RBFOX1: variants seen among roughly 807,000 people sequenced by gnomAD.
RBFOX1 encodes the protein RNA binding protein fox-1 homolog 1.
In RBFOX1, 8 loss-of-function variants were observed where a neutral mutation model predicts 57.7. The observed-to-expected ratio is 0.14, with a 90% CI of 0.08 to 0.25. The LOEUF is 0.25. Among genes scored for constraint, RBFOX1 ranks in the 10% least tolerant of loss-of-function variants. RBFOX1 has a pLI of 1.00. For synonymous variants in RBFOX1, 326 were observed against 222.4 expected, an observed-to-expected ratio of 1.47 and a Z score of -4.15; for missense variants, 611 against 548.5, an observed-to-expected ratio of 1.11 and a Z score of -1.14.
intron 3 of RBFOX1, among the ~76,000 whole-genome samples, chr16:6,807,633 T>A (rs570791502): frequency 6.6e-6 from 1 of 151,964 alleles, no homozygotes; most frequent in East Asian, 1.9e-4. Context: ...CTGGCGAGCA[T>A]GGTGAAAGCC....
chr16:7,506,806 C>A (rs1005335877), intron 4 of RBFOX1, among the ~76,000 whole-genome samples: 1 of 152,142 alleles, frequency 6.6e-6, no homozygotes, highest in Non-Finnish European at 1.5e-5. Flanking sequence ...GGTATGTGAT[C>A]TGCCAAAGGT....
chr16:5,817,164 C>A (rs1008432118), intron 3 of RBFOX1, among the ~76,000 whole-genome samples: 3 of 152,160 alleles, frequency 2.0e-5, no homozygotes, highest in African/African-American at 7.2e-5. Flanking sequence ...CTTGTGCACT[C>A]TCTCTCTATC....
At chr16:6,632,180 C>T (rs2098393001) in intron 2 of RBFOX1, among the ~76,000 whole-genome samples, 3 of 152,116 alleles carry the variant, frequency 2.0e-5, no homozygotes, top group African/African-American at 7.2e-5. Context: ...TCCTTGAAGA[C>T]ACTTAACTGC....
chr16:6,433,846 CTTT>C (rs201617630), intron 2 of RBFOX1, among the ~76,000 whole-genome samples: 26,965 of 126,700 alleles, frequency 0.21, 2,394 homozygotes, highest in East Asian at 0.29. Context: ...TTTCATTTTT[CTTT>C]TTTTTTTTTT....
At chr16:7,068,504 C>T (rs547933016) in intron 4 of RBFOX1, among the ~76,000 whole-genome samples, 27 of 152,282 alleles carry the variant, frequency 1.8e-4, no homozygotes, top group African/African-American at 5.8e-4. Flanking sequence ...CATTGCTTCA[C>T]CATTTAAGTC....
At chr16:7,567,774 T>TCTATATATATCCATATGTATAC (rs1567870434) in intron 5 of RBFOX1, among the ~76,000 whole-genome samples, 1 of 147,712 alleles carries the variant, frequency 6.8e-6, no homozygotes, top group Non-Finnish European at 1.5e-5. Flanking sequence ...TATATCCCTC[T>TCTATATATATCCATATGTATAC]CTATATATAT....
chr16:5,279,500 T>A (rs1429262917), intron 1 of RBFOX1, among the ~76,000 whole-genome samples: 3 of 148,736 alleles, frequency 2.0e-5, no homozygotes, highest in African/African-American at 7.4e-5. Flanking sequence ...AAAAAAATTT[T>A]TTTTTATTTT....
chr16:7,389,885 TGG>T, intron 4 of RBFOX1, among the ~76,000 whole-genome samples: 1 of 152,162 alleles, frequency 6.6e-6, no homozygotes, highest in Middle Eastern at 3.4e-3. Flanking sequence ...AATAAGAAGA[TGG>T]GGGTTGTAGT....
intron 2 of RBFOX1, among the ~76,000 whole-genome samples, chr16:6,384,778 T>G (rs114625757): frequency 6.6e-6 from 1 of 152,340 alleles, no homozygotes; most frequent in African/African-American, 2.4e-5. Flanking sequence ...AGCTTTGCTG[T>G]TTTCTCCGAT....
chr16:5,693,472 C>G (rs1049333397), intron 3 of RBFOX1, among the ~76,000 whole-genome samples: 6 of 151,748 alleles, frequency 4.0e-5, no homozygotes, highest in African/African-American at 1.2e-4. Flanking sequence ...TTTGTTTTGC[C>G]TGTTCTTTTT....
At chr16:6,662,695 C>T (rs1458914330) in intron 3 of RBFOX1, among the ~76,000 whole-genome samples, 1 of 152,064 alleles carries the variant, frequency 6.6e-6, no homozygotes, top group Non-Finnish European at 1.5e-5. Context: ...AACATTTGAT[C>T]ATCTACCTTT....
chr16:5,385,976 A>G (rs1346080837), intron 1 of RBFOX1, among the ~76,000 whole-genome samples: 1 of 152,186 alleles, frequency 6.6e-6, no homozygotes, highest in East Asian at 1.9e-4. Flanking sequence ...TAAACCACAG[A>G]TGCAAAGAGA....
intron 10 of RBFOX1, among the ~76,000 whole-genome samples, chr16:7,617,533 C>G (rs2058651165): frequency 6.6e-6 from 1 of 152,096 alleles, no homozygotes; most frequent in African/African-American, 2.4e-5. Context: ...TTAAATTGCA[C>G]AGCTTTAGCG....
At chr16:5,754,168 C>T (rs1005090574) in intron 3 of RBFOX1, among the ~76,000 whole-genome samples, 13 of 152,208 alleles carry the variant, frequency 8.5e-5, no homozygotes, top group East Asian at 1.9e-4. Context: ...TGTTAAAAGC[C>T]GGAATAGTTT....
At chr16:6,879,644 G>C (rs2062524584) in intron 3 of RBFOX1, among the ~76,000 whole-genome samples, 1 of 152,182 alleles carries the variant, frequency 6.6e-6, no homozygotes. Context: ...GGAGCTTCAA[G>C]TAAGGTCCAG....
chr16:5,364,574 C>A (rs2065652337), intron 1 of RBFOX1, among the ~76,000 whole-genome samples: 1 of 152,230 alleles, frequency 6.6e-6, no homozygotes, highest in Admixed American at 6.5e-5. Flanking sequence ...ATGATACTTA[C>A]TCCATTCTCT....
intron 4 of RBFOX1, among the ~76,000 whole-genome samples, chr16:7,500,194 C>T (rs1367684216): frequency 6.6e-6 from 1 of 152,200 alleles, no homozygotes; most frequent in East Asian, 1.9e-4. Flanking sequence ...CAAGTGGAGA[C>T]ATTGGGTGAT....
chr16:5,709,344 C>T (rs74006218), intron 3 of RBFOX1, among the ~76,000 whole-genome samples: 1 of 152,104 alleles, frequency 6.6e-6, no homozygotes, highest in Non-Finnish European at 1.5e-5. Flanking sequence ...TTCTTCTGTT[C>T]TTTGATCAGT....
At chr16:5,525,275 A>G (rs775907740) in intron 2 of RBFOX1, among the ~76,000 whole-genome samples, 2 of 152,108 alleles carry the variant, frequency 1.3e-5, no homozygotes, top group Non-Finnish European at 2.9e-5. Context: ...CATGGGGAGT[A>G]ATAATCACGC....
Sources: gnomAD v4.1 joint callset for allele counts (sites outside exome capture counted in the v4.1 genomes callset) on GRCh38, gnomAD v4.1.1 for gene constraint, MANE v1.5 for transcripts, NCBI Gene and HGNC (gene_info 2026-07-23, HGNC 2026-07-21) for gene names.